The following ENOX2 variants were observed in gnomAD, a reference collection of about 807,000 sequenced individuals.
ENOX2 encodes the protein APK1 antigen.
A neutral mutation model predicts 45.0 loss-of-function variants in ENOX2; 36 were observed. The ratio of observed to expected loss-of-function variants is 0.80; its 90% CI spans 0.61 to 1.06. ENOX2 has a LOEUF of 1.06. Among genes scored for constraint, ENOX2 ranks in the 50% least tolerant of loss-of-function variants. ENOX2 has a pLI of 0.00. For synonymous variants in ENOX2, 174 were observed against 152.3 expected (o/e 1.14, Z -1.05); for missense variants, 423 against 462.5 (o/e 0.91, Z 0.78).
intron 2 of ENOX2, among the ~76,000 whole-genome samples, chrX:130,831,129 CA>C (rs1308255141): frequency 1.2e-4 from 13 of 110,630 alleles, no homozygotes; most frequent in African/African-American, 4.3e-4. Flanking sequence ...ATAACTAATC[CA>C]GTCCTGTGGC....
At chrX:130,894,780 C>T (rs767116554) in intron 2 of ENOX2, among the ~76,000 whole-genome samples, 1 of 111,093 alleles carries the variant, frequency 9.0e-6, no homozygotes, top group Non-Finnish European at 1.9e-5. Flanking sequence ...CTTATCCTGT[C>T]CCCCTTTCCC....
chrX:130,634,695 G>A (rs1240797213), intron 12 of ENOX2, among the ~76,000 whole-genome samples: 1 of 111,631 alleles, frequency 9.0e-6, no homozygotes, highest in Admixed American at 9.5e-5. Flanking sequence ...CAGGGAAGAG[G>A]TGTGCACTCT....
intron 2 of ENOX2, among the ~76,000 whole-genome samples, chrX:130,823,119 C>T (rs981271289): frequency 8.9e-6 from 1 of 111,947 alleles, no homozygotes; most frequent in Non-Finnish European, 1.9e-5. Flanking sequence ...TAATCAGCAT[C>T]ACCTGGAAGT....
chrX:130,668,482 T>C (rs1340368532), intron 7 of ENOX2, among the ~76,000 whole-genome samples: 2 of 111,993 alleles, frequency 1.8e-5, no homozygotes, highest in African/African-American at 3.2e-5. Flanking sequence ...TCCATGTAGA[T>C]TTCTGCAGCT....
At chrX:130,687,324 C>T (rs908498301) in intron 5 of ENOX2, among the ~76,000 whole-genome samples, 5 of 112,122 alleles carry the variant, frequency 4.5e-5, no homozygotes, top group African/African-American at 1.3e-4. Context: ...GCTGATTATG[C>T]GATAAATGAA....
chrX:130,648,236 T>C (rs2036293529), intron 10 of ENOX2, among the ~76,000 whole-genome samples: 1 of 110,137 alleles, frequency 9.1e-6, no homozygotes. Flanking sequence ...GGTTGGGAGT[T>C]TGAGACCAGC....
At chrX:130,711,113 G>A (rs1463452257) in intron 3 of ENOX2, among the ~76,000 whole-genome samples, 1 of 111,969 alleles carries the variant, frequency 8.9e-6, no homozygotes, top group Non-Finnish European at 1.9e-5. Context: ...ATAACATTGT[G>A]TTTTCTGTTC....
rs1217118048 is a variant in ENOX2, at chrX:130,623,847, A to G, written c.*1467T>C. ...TAGTAACCCAAAGGAAGGAACTGAG[A>G]TAACTACTAATGGATTACTTAGAGC... is the stretch of plus-strand genomic sequence containing the variant. On this transcript the variant is annotated 3_prime_UTR_variant, in exon 15 of 15. Coordinates refer to ENST00000394363, the MANE Select transcript of ENOX2 (RefSeq NM_006375.4). The G allele has an allele frequency of 8.9e-6, 1 of 112,097 alleles. No homozygotes were observed. Among genetic ancestry groups the G allele is most frequent in the Non-Finnish European group, 1.9e-5 (1 of 53,276 alleles). 9.2% of individuals were successfully genotyped at this position (112,097 alleles called of 1,213,427 possible).
intron 2 of ENOX2, among the ~76,000 whole-genome samples, chrX:130,813,932 G>C (rs1019459227): frequency 1.8e-5 from 2 of 112,212 alleles, no homozygotes; most frequent in African/African-American, 3.2e-5. Flanking sequence ...GTTGAAGCTA[G>C]GGAGCCAAGT....
chrX:130,874,248 G>T (rs1199158421), intron 2 of ENOX2, among the ~76,000 whole-genome samples: 3 of 112,125 alleles, frequency 2.7e-5, no homozygotes, highest in African/African-American at 9.7e-5. Context: ...TAAATACTTT[G>T]TTCCATCTGT....
chrX:130,808,862 CTCTCACT>C (rs2077348449), intron 2 of ENOX2, among the ~76,000 whole-genome samples: 1 of 112,265 alleles, frequency 8.9e-6, no homozygotes, highest in African/African-American at 3.2e-5. Flanking sequence ...CGTATATTGT[CTCTCACT>C]TCACAGAACT....
chrX:130,760,459 T>A (rs957117210), intron 3 of ENOX2, among the ~76,000 whole-genome samples: 1 of 110,794 alleles, frequency 9.0e-6, no homozygotes, highest in Admixed American at 9.7e-5. Context: ...CACAGGTACA[T>A]ACAATGTTAG....
intron 4 of ENOX2, among the ~76,000 whole-genome samples, chrX:130,699,944 TAATTGAGG>T (rs1431821866): frequency 8.9e-6 from 1 of 112,412 alleles, no homozygotes; most frequent in Non-Finnish European, 1.9e-5. Context: ...ATAGCTGAGT[TAATTGAGG>T]AATTACTGTG....
At chrX:130,632,397 GTGAAATCCATGACCAGCAGTCAAAC>G (rs2035789373) in intron 12 of ENOX2, among the ~76,000 whole-genome samples, 1 of 91,302 alleles carries the variant, frequency 1.1e-5, no homozygotes. Context: ...AGAAACTCAG[GTGAAATCCATGACCAGCAGTCAAAC>G]TGAAAAATAC....
intron 10 of ENOX2, chrX:130,645,892 T>C: frequency 1.5e-6 from 1 of 675,563 alleles, no homozygotes; most frequent in Non-Finnish European, 2.4e-6. Flanking sequence ...GATCAGCCCA[T>C]CCCGTGGAAA....
chrX:130,662,600 A>G (rs2036721475), intron 9 of ENOX2, among the ~76,000 whole-genome samples: 1 of 111,872 alleles, frequency 8.9e-6, no homozygotes, highest in East Asian at 2.8e-4. Context: ...ACAATTTAAG[A>G]GGATGGTTTA....
intron 2 of ENOX2, among the ~76,000 whole-genome samples, chrX:130,804,274 T>C (rs2077264425): frequency 8.9e-6 from 1 of 112,088 alleles, no homozygotes; most frequent in Non-Finnish European, 1.9e-5. Flanking sequence ...CATTCTATAC[T>C]TATATTTAGT....
chrX:130,764,328 T>G (rs1474699898), intron 3 of ENOX2, among the ~76,000 whole-genome samples: 5 of 111,049 alleles, frequency 4.5e-5, no homozygotes, highest in African/African-American at 1.6e-4. Flanking sequence ...TAAAGGGACA[T>G]ATATAACCTA....
At chrX:130,849,465 C>G (rs376293662) in intron 2 of ENOX2, among the ~76,000 whole-genome samples, 2 of 112,273 alleles carry the variant, frequency 1.8e-5, no homozygotes, top group African/African-American at 6.5e-5. Context: ...TAACCACCAC[C>G]ATACAACCAT....
Sources: allele counts gnomAD v4.1 joint callset (sites outside exome capture counted in the v4.1 genomes callset), GRCh38; gene constraint gnomAD v4.1.1; transcripts MANE v1.5; gene names NCBI Gene and HGNC (gene_info 2026-07-23, HGNC 2026-07-21).